Variants in TXLNA observed in about 807,000 individuals in gnomAD.
The protein encoded by TXLNA is alpha-taxilin.
Under a neutral mutation model 61.4 loss-of-function variants are expected in TXLNA, and 9 were observed. That is an observed-to-expected ratio of 0.15 (90% confidence interval 0.09 to 0.26). The LOEUF (loss-of-function observed/expected upper bound fraction) is 0.26, where lower values mean the gene tolerates loss of function less well. Ranked by LOEUF, TXLNA falls within the 10% of genes least tolerant of loss-of-function variation. The pLI, the probability that TXLNA is intolerant of heterozygous loss-of-function variation, is 1.00. For missense variants in TXLNA, 565 were observed against 688.8 expected, an observed-to-expected ratio of 0.82 and a Z score of 2.01; for synonymous variants, 257 against 267.7, an observed-to-expected ratio of 0.96 and a Z score of 0.39.
Position 32,181,462 on chromosome 1 carries a change from T to C in TXLNA, c.390T>C (p.Asn130=), listed in dbSNP as rs368294416. Residue 130 remains asparagine, a synonymous_variant, in exon 3 of 11, where the codon AAT becomes AAC. Coordinates refer to ENST00000373610, the MANE Select transcript of TXLNA (RefSeq NM_175852.4). ...NGEPEPTPVV[N]GEKEPSKGDP... ...AGCCTGAACCAACTCCAGTAGTCAA[T>C]GGAGAGAAGGAACCCTCCAAGGGGG... The C allele has an allele frequency of 1.9e-6, 3 of 1,613,606 alleles. No homozygotes were observed. In the African/African-American group the frequency reaches 4.0e-5, roughly 22 times the overall value.
intron 3 of TXLNA, among the ~76,000 whole-genome samples, chr1:32,182,959 C>A (rs1349221185): frequency 2.8e-5 from 4 of 145,410 alleles, no homozygotes; most frequent in African/African-American, 7.6e-5. Flanking sequence ...CCCAGATACT[C>A]GGGAGGCTGA....
chr1:32,193,015 C>T (rs533436697), intron 8 of TXLNA, among the ~76,000 whole-genome samples, 193 bp from the exon 9 acceptor site: 10 of 152,134 alleles, frequency 6.6e-5, no homozygotes, highest in Admixed American at 2.0e-4. Flanking sequence ...TAAAAGTCAC[C>T]CTAAGTCTCC....
chr1:32,180,291 A>G (rs1337289382), intron 1 of TXLNA, 23 bp from the exon 2 acceptor site: 1 of 1,535,828 alleles, frequency 6.5e-7, no homozygotes, highest in Non-Finnish European at 8.8e-7. Flanking sequence ...TCTGGAAAAT[A>G]GCAACTGTGT....
Position 32,192,343 on chromosome 1 carries a change from A to G in TXLNA, c.996A>G (p.Leu332=). ...ACAAAGTCTTCAAACACAAGGACCT[A>G]CAACAGCAGCTGGTGGATGCCAAGC... ...HIDKVFKHKD[L]QQQLVDAKLQ... The change falls in exon 7 of 11, where the codon CTA becomes CTG. Residue 332 remains leucine (L), a synonymous_variant. Coordinates refer to ENST00000373610, the MANE Select transcript of TXLNA (RefSeq NM_175852.4). This position sits in a 1 kb window ranked among gnomAD's most constrained non-coding sequence, Gnocchi z 4.2. The G allele has an allele frequency of 6.2e-7, 1 of 1,614,236 alleles. No individual in the cohort carries two copies. The highest frequency in any genetic ancestry group is 8.5e-7 in the Non-Finnish European group (1 of 1,180,026).
chr1:32,182,485 A>G (rs1642685855), intron 3 of TXLNA, among the ~76,000 whole-genome samples: 1 of 151,716 alleles, frequency 6.6e-6, no homozygotes, highest in African/African-American at 2.4e-5. Flanking sequence ...AACATGATGA[A>G]ATCCCGTCTC....
rs144116948 is a variant in TXLNA at position 32,189,583 on chromosome 1, C to T, written c.769-472C>T. Among the ~76,000 whole-genome samples the T allele has an allele frequency of 3.5e-4, 52 of 150,608 alleles. No homozygotes were observed. The East Asian group carries it at 9.4e-3, about 27-fold the overall frequency. ...GACGGAGTCTTGCTCTGTGGCCCATCGCCCAGGCTGGAGTGCAGTGGCGCG... is the reference window on the plus strand; with the variant it reads ...GACGGAGTCTTGCTCTGTGGCCCATTGCCCAGGCTGGAGTGCAGTGGCGCG... On this transcript the variant is annotated intron_variant, in intron 5 of 10. Transcript: ENST00000373610.
intron 3 of TXLNA, among the ~76,000 whole-genome samples, chr1:32,183,119 T>A (rs550323685): frequency 1.1e-4 from 17 of 151,896 alleles, no homozygotes; most frequent in Admixed American, 7.2e-4. Flanking sequence ...AAGTATCATC[T>A]TCTTCACCCC....
intron 2 of TXLNA, among the ~76,000 whole-genome samples, chr1:32,180,764 G>A (rs1417816300): frequency 6.6e-6 from 1 of 152,264 alleles, no homozygotes; most frequent in East Asian, 1.9e-4. Context: ...GAGGCACCCA[G>A]TCAGGAAATC....
rs781043293 is a variant in TXLNA at position 32,192,132 on chromosome 1, G to A, written c.964-179G>A. On this transcript the variant is annotated intron_variant, in intron 6 of 10. Coordinates refer to ENST00000373610, the MANE Select transcript of TXLNA (RefSeq NM_175852.4). This position sits in a 1 kb window ranked among gnomAD's most constrained non-coding sequence, Gnocchi z 4.2. ...TCTGACTCACTGGGAGAGAAACGAC[G>A]TGAGGTTGGAAAGCTGACCTTCCAG... 6.6e-6 allele frequency among the ~76,000 whole-genome samples: 1 copy of A among 152,226 alleles called. No individual in the cohort carries two copies. The highest frequency in any genetic ancestry group is 1.5e-5 in the Non-Finnish European group (1 of 68,040).
At chr1:32,185,382 G>GTATT (rs555425928) in intron 4 of TXLNA, among the ~76,000 whole-genome samples, 11,727 of 148,372 alleles carry the variant, frequency 0.079, 671 homozygotes, top group South Asian at 0.24. Context: ...ATGTATGTAT[G>GTATT]TATGTATTTA....
intron 6 of TXLNA, among the ~76,000 whole-genome samples, chr1:32,191,604 G>A (rs1280285094): frequency 6.6e-6 from 1 of 152,142 alleles, no homozygotes; most frequent in Non-Finnish European, 1.5e-5. Flanking sequence ...AGAAGGAGGT[G>A]CAGGACTACC....
Position 32,181,357 on chromosome 1 carries a change from C to T in TXLNA, c.285C>T (p.Pro95=), listed in dbSNP as rs374513493. Residue 95 remains proline, a synonymous_variant, in exon 3 of 11, where the codon CCC becomes CCT. Transcript: ENST00000373610. ...TYCVDNNQGG[P]GEDGAQGEPA... is the part of the protein sequence containing the mutation. The stretch of plus-strand genomic sequence containing the variant: ...GTGTGGACAATAACCAGGGGGGCCC[C>T]GGCGAGGATGGGGCACAGGGTGAGC... 11 of 1,614,034 alleles carry T rather than the reference C, an allele frequency of 6.8e-6. No individual in the cohort carries two copies. The highest frequency in any genetic ancestry group is 6.6e-5 in the South Asian group (6 of 91,088).
Position 32,181,244 on chromosome 1 carries a change from G to T in TXLNA, c.172G>T (p.Ala58Ser). The change falls in exon 3 of 11, where the codon GCT becomes TCT. Residue 58 changes from alanine (A) to serine (S), a missense_variant and splice_region_variant. Physicochemically the swap from Ala to Ser is moderately conservative, Grantham distance 99 (BLOSUM62 1). Coordinates refer to ENST00000373610, the MANE Select transcript of TXLNA (RefSeq NM_175852.4). Reference sequence around the variant, plus strand: ...CCCCTCATCCTCTCCTGCTGTAGGGGCTCAAGCCAGAACGGCTCAGTCTGG... The same window carrying T: ...CCCCTCATCCTCTCCTGCTGTAGGGTCTCAAGCCAGAACGGCTCAGTCTGG... The part of the protein sequence containing the change: ...SSQAPRKPEG[A>S]QARTAQSGAL... 2 of 1,571,700 alleles carry T rather than the reference G, an allele frequency of 1.3e-6. No homozygotes were observed. The highest frequency in any genetic ancestry group is 1.7e-6 in the Non-Finnish European group (2 of 1,153,810).
chr1:32,194,826 G>T (rs1642981691), intron 10 of TXLNA, 76 bp from the exon 11 acceptor site: 1 of 1,511,164 alleles, frequency 6.6e-7, no homozygotes, highest in Non-Finnish European at 8.9e-7. Flanking sequence ...CCTTGTTAAA[G>T]TGTTTGCCGC....
Position 32,194,065 on chromosome 1 carries a change from A to G in TXLNA, c.1252A>G (p.Met418Val). The G allele has an allele frequency of 6.2e-7, 1 of 1,612,518 alleles. No homozygotes were observed. ...FTTFKQEMEK[M>V]TKKIKKLEKE... ...TCCTTCTGTCTGTCACATAACCTAG[A>G]TGACTAAGAAGATCAAGAAGCTGGA... The change falls in exon 10 of 11, where the codon ATG becomes GTG. Residue 418 changes from methionine to valine, a missense_variant and splice_region_variant. Met to Val is a conservative substitution (Grantham distance 21). Transcript: ENST00000373610.
intron 6 of TXLNA, among the ~76,000 whole-genome samples, chr1:32,190,819 G>A (rs1355732491): frequency 3.3e-5 from 5 of 152,192 alleles, no homozygotes; most frequent in African/African-American, 1.2e-4. Context: ...CAGGCTGGGC[G>A]TGGTGGCTCA....
chr1:32,195,205 T>C lies in TXLNA; in HGVS notation c.*10T>C. On this transcript the variant is annotated 3_prime_UTR_variant, in exon 11 of 11. Coordinates refer to ENST00000373610, the MANE Select transcript of TXLNA (RefSeq NM_175852.4). ...CTCCGCCAGGGCCTAGAGAGCCTGGTGTTGGGTCATGCTGGGAAGGGAGCG... is the reference window on the plus strand; with the variant it reads ...CTCCGCCAGGGCCTAGAGAGCCTGGCGTTGGGTCATGCTGGGAAGGGAGCG... 2 of 1,564,274 alleles carry C rather than the reference T, an allele frequency of 1.3e-6. No individual in the cohort carries two copies. The highest frequency in any genetic ancestry group is 1.7e-6 in the Non-Finnish European group (2 of 1,158,060).
rs888176335 is a variant in TXLNA at position 32,197,885 on chromosome 1, A to G, written c.*2690A>G. On this transcript the variant is annotated 3_prime_UTR_variant, in exon 11 of 11. Transcript: ENST00000373610. This position sits in a 1 kb window ranked among gnomAD's most constrained non-coding sequence, Gnocchi z 4.6. ...TGGGCTGAGCTCAGGCACTTTCTGTAGGAGACTGTTATTTCTGTAAAGATG... is the reference window on the plus strand; with the variant it reads ...TGGGCTGAGCTCAGGCACTTTCTGTGGGAGACTGTTATTTCTGTAAAGATG... 2.6e-5 allele frequency: 4 copies of G among 152,100 alleles called. No homozygotes were observed. Among genetic ancestry groups the G allele is most frequent in the Admixed American group, 2.6e-4 (4 of 15,274 alleles). 9.4% of individuals were successfully genotyped at this position (152,100 alleles called of 1,614,324 possible).
At chr1:32,194,308 G>C in intron 10 of TXLNA, 148 bp downstream of exon 10, 4 of 685,818 alleles carry the variant, frequency 5.8e-6, no homozygotes, top group South Asian at 3.6e-5. Flanking sequence ...AGTTAATGCT[G>C]TTCTCTCCCC....
Sources: allele counts gnomAD v4.1 joint callset (sites outside exome capture counted in the v4.1 genomes callset), GRCh38; gene constraint gnomAD v4.1.1; non-coding constraint Gnocchi (gnomAD v3.1); transcripts MANE v1.5; gene names NCBI Gene and HGNC (gene_info 2026-07-23, HGNC 2026-07-21).